NAV3: variants seen among roughly 807,000 people sequenced by gnomAD.
NAV3 encodes neuron navigator 3.
In NAV3, 87 loss-of-function variants were observed where a neutral mutation model predicts 244.7. That is an observed-to-expected ratio of 0.36 (90% CI 0.30 to 0.42). The LOEUF (loss-of-function observed/expected upper bound fraction) is 0.42, where lower values mean the gene tolerates loss of function less well. Among genes scored for constraint, NAV3 ranks in the 20% least tolerant of loss-of-function variants. NAV3 has a pLI of 1.00. For synonymous variants in NAV3, 1,126 were observed against 1,042.2 expected, an observed-to-expected ratio of 1.08 and a Z score of -1.55; for missense variants, 2,663 against 2,893.3, an observed-to-expected ratio of 0.92 and a Z score of 1.83.
chr12:77,829,642 T>C (rs142988989), upstream of NAV3, among the ~76,000 whole-genome samples: 880 of 152,304 alleles, frequency 5.8e-3, 9 homozygotes, highest in Middle Eastern at 0.017. Flanking sequence ...TTGATACCAC[T>C]AGTGTTGTAT....
intron 2 of NAV3, among the ~76,000 whole-genome samples, chr12:77,683,371 T>C (rs989761205): frequency 2.0e-5 from 3 of 149,170 alleles, no homozygotes; most frequent in Non-Finnish European, 3.0e-5. Flanking sequence ...TTGGTCTTTG[T>C]ATGTGTTTTT....
chr12:78,170,514 T>A (rs535281994), intron 24 of NAV3, among the ~76,000 whole-genome samples: 1 of 151,838 alleles, frequency 6.6e-6, no homozygotes, highest in South Asian at 2.1e-4. Flanking sequence ...GAATAGTCAT[T>A]AAGAAACACA....
intron 2 of NAV3, among the ~76,000 whole-genome samples, chr12:77,684,270 C>CTATTAT (rs35507814): frequency 1.3e-5 from 2 of 151,600 alleles, no homozygotes; most frequent in South Asian, 2.1e-4. Context: ...CCATTTTTAA[C>CTATTAT]TATTATTATT....
At chr12:77,960,680 A>G (rs1428133794) in intron 3 of NAV3, among the ~76,000 whole-genome samples, 1 of 147,640 alleles carries the variant, frequency 6.8e-6, no homozygotes, top group African/African-American at 2.5e-5. Context: ...TATATTACAT[A>G]TATAGTAATA....
rs146863192 is a variant in NAV3, at chr12:77,589,601, T to C, written c.72+17335T>C. Among the ~76,000 whole-genome samples the C allele has an allele frequency of 4.7e-4, 71 of 152,208 alleles. 1 individual carries two copies. Among genetic ancestry groups the C allele is most frequent in the African/African-American group, 1.6e-3 (66 of 41,530 alleles). ...AGAATGAGTGAAGGGGGAATTCCCT[T>C]ATAAAACCATCAGATCTCATGAGAA... is the stretch of plus-strand genomic sequence containing the variant. On this transcript the variant is annotated intron_variant, in intron 2 of 8. Coordinates refer to the NAV3 transcript ENST00000550042.
intron 2 of NAV3, among the ~76,000 whole-genome samples, chr12:77,648,293 A>G (rs888259132): frequency 2.0e-5 from 3 of 152,068 alleles, no homozygotes; most frequent in African/African-American, 2.4e-5. Context: ...TTATCTTTTC[A>G]GAAGCACACA....
At chr12:77,599,790 A>G (rs367634675) in intron 2 of NAV3, among the ~76,000 whole-genome samples, 1 of 151,972 alleles carries the variant, frequency 6.6e-6, no homozygotes, top group South Asian at 2.1e-4. Flanking sequence ...ATTATAAAAT[A>G]CTGTGAGACA....
intron 1 of NAV3, among the ~76,000 whole-genome samples, chr12:77,932,255 T>C (rs1400331760): frequency 6.6e-6 from 1 of 152,114 alleles, no homozygotes; most frequent in Non-Finnish European, 1.5e-5. Flanking sequence ...GTCCGGATTT[T>C]CCCTAAAGTA....
intron 29 of NAV3, among the ~76,000 whole-genome samples, chr12:78,180,555 TATGA>T (rs1233168709): frequency 1.3e-5 from 2 of 152,068 alleles, no homozygotes; most frequent in Admixed American, 1.3e-4. Context: ...TGAGAAGTGT[TATGA>T]ATGATTTCAT....
At chr12:77,664,840 G>A (rs1004657078) in intron 2 of NAV3, among the ~76,000 whole-genome samples, 30 of 152,184 alleles carry the variant, frequency 2.0e-4, no homozygotes, top group African/African-American at 7.2e-4. Flanking sequence ...ATCTTAATCT[G>A]CATGTAATAG....
chr12:78,199,373 G>A lies in NAV3; in HGVS notation c.6557G>A (p.Gly2186Asp), dbSNP rs1425463781. The change falls in exon 37 of 40, where the codon GGC (glycine) becomes GAC (aspartate). Residue 2186 changes from glycine (G) to aspartate (D), a missense_variant. Physicochemically the swap from Gly to Asp is moderately conservative, Grantham distance 94. Around this residue, in one of 6 missense-constraint regions of NAV3, gnomAD observed 543 missense variants for 672.4 expected, o/e 0.81. Coordinates refer to ENST00000397909, the MANE Select transcript of NAV3 (RefSeq NM_001024383.2). ...LCANHTEPVK[G>D]FLGRYLRRKL... ...GCAAATCATACAGAACCAGTGAAAG[G>A]CTTTTTAGGCAGATATCTTCGAAGA... 1 of 1,610,270 alleles carries A rather than the reference G, an allele frequency of 6.2e-7. No homozygotes were observed. The highest frequency in any genetic ancestry group is 8.5e-7 in the Non-Finnish European group (1 of 1,178,264).
intron 5 of NAV3, among the ~76,000 whole-genome samples, chr12:77,976,666 C>CTTTCTTTCTTTTT (rs1446044531): frequency 6.9e-5 from 4 of 58,060 alleles, no homozygotes; most frequent in African/African-American, 1.3e-4. Context: ...TTCTTTCTTT[C>CTTTCTTTCTTTTT]TTTTTTTCTT....
At chr12:77,613,404 G>A (rs1438030908) in intron 2 of NAV3, among the ~76,000 whole-genome samples, 3 of 152,174 alleles carry the variant, frequency 2.0e-5, no homozygotes, top group Non-Finnish European at 4.4e-5. Flanking sequence ...TGAAGAAAGA[G>A]GTATGGGAAA....
At chr12:77,812,587 G>T (rs553869706) in intron 2 of NAV3, among the ~76,000 whole-genome samples, 3 of 151,470 alleles carry the variant, frequency 2.0e-5, no homozygotes, top group South Asian at 4.2e-4. Flanking sequence ...GCTAATTTTT[G>T]TCTCGTTAGT....
intron 9 of NAV3, among the ~76,000 whole-genome samples, chr12:78,044,466 A>G (rs984229151): frequency 3.9e-5 from 6 of 152,288 alleles, no homozygotes; most frequent in Admixed American, 1.3e-4. Context: ...AACTCTATGA[A>G]TAAAGTCAAT....
At chr12:78,069,959 CAGTT>C (rs1179054494) in intron 12 of NAV3, among the ~76,000 whole-genome samples, 1 of 151,988 alleles carries the variant, frequency 6.6e-6, no homozygotes, top group African/African-American at 2.4e-5. Context: ...AATATTTTGT[CAGTT>C]AGGTTTTCCT....
At chr12:77,580,041 C>T (rs1408991678) in intron 2 of NAV3, among the ~76,000 whole-genome samples, 1 of 152,092 alleles carries the variant, frequency 6.6e-6, no homozygotes, top group Non-Finnish European at 1.5e-5. Context: ...CCTTTCTCAT[C>T]ACTGACTTAC....
intron 2 of NAV3, among the ~76,000 whole-genome samples, chr12:77,806,964 A>C (rs943461527): frequency 7.9e-5 from 12 of 152,104 alleles, no homozygotes; most frequent in Non-Finnish European, 1.8e-4. Flanking sequence ...CTCTGATAAA[A>C]AGTCTGGTTT....
intron 2 of NAV3, among the ~76,000 whole-genome samples, chr12:77,738,640 T>C (rs1565792864): frequency 6.6e-6 from 1 of 152,202 alleles, no homozygotes; most frequent in Non-Finnish European, 1.5e-5. Flanking sequence ...CAATTTATGC[T>C]TTCTATATGG....
Sources: gnomAD v4.1 joint callset for allele counts (sites outside exome capture counted in the v4.1 genomes callset) on GRCh38, gnomAD v4.1.1 for gene constraint, gnomAD v4.1.1 regional missense constraint, MANE v1.5 for transcripts, NCBI Gene and HGNC (gene_info 2026-07-23, HGNC 2026-07-21) for gene names.